PTPRK: variants seen among roughly 807,000 people sequenced by gnomAD.
The protein encoded by PTPRK is protein tyrosine phosphatase receptor type K, also known as receptor-type tyrosine-protein phosphatase kappa.
In PTPRK, 75 loss-of-function variants were observed where a neutral mutation model predicts 178.0. The ratio of observed to expected loss-of-function variants is 0.42; its 90% CI spans 0.35 to 0.51. PTPRK has a LOEUF of 0.51. Among genes scored for constraint, PTPRK ranks in the 20% least tolerant of loss-of-function variants. The probability of loss-of-function intolerance (pLI) is 0.02; values close to 1 mark genes in which losing one functional copy is unlikely to be tolerated. For synonymous variants in PTPRK, 637 were observed against 620.6 expected, an observed-to-expected ratio of 1.03 and a Z score of -0.39; for missense variants, 1,441 against 1,797.8, an observed-to-expected ratio of 0.80 and a Z score of 3.59.
chr6:128,383,723 T>C (rs1165684018), intron 2 of PTPRK, among the ~76,000 whole-genome samples: 1 of 152,168 alleles, frequency 6.6e-6, no homozygotes, highest in African/African-American at 2.4e-5. Context: ...GGTGGTATTG[T>C]TTCACCTTAT....
intron 1 of PTPRK, among the ~76,000 whole-genome samples, chr6:128,472,931 T>C (rs1055881019): frequency 4.4e-4 from 67 of 152,240 alleles, no homozygotes; most frequent in African/African-American, 1.6e-3. Flanking sequence ...GGATAGTTGT[T>C]GCATGAGACA....
chr6:128,156,096 TCATGATTTAC>T (rs1797903961), intron 7 of PTPRK, among the ~76,000 whole-genome samples: 1 of 151,982 alleles, frequency 6.6e-6, no homozygotes, highest in South Asian at 2.1e-4. Context: ...CATTTTTTTC[TCATGATTTAC>T]CATGAGTGTT....
At chr6:127,997,575 C>T (rs1777302806) in intron 16 of PTPRK, among the ~76,000 whole-genome samples, 1 of 152,036 alleles carries the variant, frequency 6.6e-6, no homozygotes, top group Non-Finnish European at 1.5e-5. Context: ...TTACTATATG[C>T]AGCAATTTAA....
At chr6:128,056,749 C>T (rs1779969775) in intron 13 of PTPRK, among the ~76,000 whole-genome samples, 1 of 152,092 alleles carries the variant, frequency 6.6e-6, no homozygotes, top group South Asian at 2.1e-4. Flanking sequence ...AATACCTGTT[C>T]TCCCTTTTTA....
At chr6:128,368,919 A>C (rs1835880934) in intron 2 of PTPRK, among the ~76,000 whole-genome samples, 1 of 151,196 alleles carries the variant, frequency 6.6e-6, no homozygotes, top group Admixed American at 6.6e-5. Context: ...ACTCTATTTA[A>C]AAAAACAAAA....
intron 1 of PTPRK, among the ~76,000 whole-genome samples, chr6:128,500,313 C>G (rs1003388938): frequency 1.2e-4 from 18 of 151,870 alleles, no homozygotes; most frequent in Non-Finnish European, 2.4e-4. Context: ...AACAGATGCT[C>G]TAAAAATGGG....
At chr6:128,253,809 C>T (rs1816859984) in intron 3 of PTPRK, among the ~76,000 whole-genome samples, 1 of 152,174 alleles carries the variant, frequency 6.6e-6, no homozygotes, top group Admixed American at 6.5e-5. Flanking sequence ...CCTACATGTA[C>T]CATCATACTA....
At chr6:128,273,355 T>C (rs1428181947) in intron 3 of PTPRK, among the ~76,000 whole-genome samples, 1 of 151,716 alleles carries the variant, frequency 6.6e-6, no homozygotes, top group African/African-American at 2.4e-5. Flanking sequence ...ACTTAAAGTA[T>C]AATAAAAAAA....
At chr6:128,300,850 T>TA (rs1183999207) in intron 3 of PTPRK, among the ~76,000 whole-genome samples, 1 of 152,078 alleles carries the variant, frequency 6.6e-6, no homozygotes, top group African/African-American at 2.4e-5. Flanking sequence ...CCCTAAAACT[T>TA]AAAGTATAAT....
At chr6:128,362,032 G>A (rs1834839491) in intron 2 of PTPRK, among the ~76,000 whole-genome samples, 1 of 151,996 alleles carries the variant, frequency 6.6e-6, no homozygotes. Flanking sequence ...TTATATGTTA[G>A]GCCATTCTTG....
At chr6:128,501,170 C>T (rs1462647799) in intron 1 of PTPRK, 1 of 152,166 alleles carries the variant, frequency 6.6e-6, no homozygotes, top group African/African-American at 2.4e-5. Flanking sequence ...AGCCACTGTG[C>T]CCAGCCTGAA....
chr6:128,194,476 A>C (rs1169075956), intron 6 of PTPRK, among the ~76,000 whole-genome samples: 1 of 152,198 alleles, frequency 6.6e-6, no homozygotes, highest in African/African-American at 2.4e-5. Flanking sequence ...GAAAGTTATG[A>C]ATCCCTATGA....
chr6:128,504,087 C>T (rs186674272), intron 1 of PTPRK, among the ~76,000 whole-genome samples: 1 of 152,058 alleles, frequency 6.6e-6, no homozygotes, highest in Non-Finnish European at 1.5e-5. Context: ...TAGATATATC[C>T]TTTTTGTCAT....
intron 21 of PTPRK, among the ~76,000 whole-genome samples, chr6:127,986,770 A>G (rs971876052): frequency 6.6e-6 from 1 of 152,360 alleles, no homozygotes; most frequent in East Asian, 1.9e-4. Flanking sequence ...CAGAAAAGGT[A>G]GACACATTAC....
chr6:128,188,306 C>A (rs1803124235), intron 6 of PTPRK, among the ~76,000 whole-genome samples: 1 of 152,028 alleles, frequency 6.6e-6, no homozygotes, highest in South Asian at 2.1e-4. Flanking sequence ...AAAAAATACT[C>A]CCATTCAGTT....
Position 127,970,237 on chromosome 6 carries a change from T to G in PTPRK, c.4313A>C (p.Glu1438Ala). Residue 1438 changes from glutamate to alanine, a missense_variant, in exon 30 of 30, where the codon GAA becomes GCA. Coordinates refer to ENST00000368226, the MANE Select transcript of PTPRK (RefSeq NM_002844.4). Reference protein sequence around the residue: ...FCYDVALEYLESS With the variant: ...FCYDVALEYLASS ...AAGAGTCTCACCCAACTAAGATGAT[T>G]CCAGGTACTCCAAAGCTACATCATA... 1 of 1,609,850 alleles carries G rather than the reference T, an allele frequency of 6.2e-7. No homozygotes were observed. The highest frequency in any genetic ancestry group is 8.5e-7 in the Non-Finnish European group (1 of 1,177,386).
At chr6:128,238,028 T>G (rs762456105) in intron 5 of PTPRK, 6 of 450,756 alleles carry the variant, frequency 1.3e-5, no homozygotes, top group South Asian at 9.5e-5. Flanking sequence ...AAGACTGATG[T>G]AAGTGAATAA....
chr6:128,399,532 A>C (rs1328884925), intron 1 of PTPRK, among the ~76,000 whole-genome samples: 1 of 152,256 alleles, frequency 6.6e-6, no homozygotes, highest in Non-Finnish European at 1.5e-5. Context: ...TTAACCAATG[A>C]AAATAGGTTG....
chr6:128,143,154 C>T (rs1796017054), intron 7 of PTPRK, among the ~76,000 whole-genome samples: 1 of 151,974 alleles, frequency 6.6e-6, no homozygotes, highest in South Asian at 2.1e-4. Flanking sequence ...AGAAGAGAGG[C>T]TAAAGGCAAC....
Sources: allele counts gnomAD v4.1 joint callset (sites outside exome capture counted in the v4.1 genomes callset), GRCh38; gene constraint gnomAD v4.1.1; transcripts MANE v1.5; gene names NCBI Gene and HGNC (gene_info 2026-07-23, HGNC 2026-07-21).